Variants in ALLC observed in about 807,000 individuals in gnomAD.
The protein encoded by ALLC is allantoicase, also known as probable inactive allantoicase.
In ALLC, 40 loss-of-function variants were observed where a neutral mutation model predicts 45.0. The ratio of observed to expected loss-of-function variants is 0.89; its 90% CI spans 0.69 to 1.16. ALLC has a LOEUF of 1.16. ALLC is among the 50% of genes most tolerant of loss of function. The pLI is 0.00. For missense variants in ALLC, 488 were observed against 493.1 expected, an observed-to-expected ratio of 0.99 and a Z score of 0.10; for synonymous variants, 176 against 178.1, an observed-to-expected ratio of 0.99 and a Z score of 0.09.
chr2:3,651,386 T>C, the ALLC span, among the ~76,000 whole-genome samples: 1 of 15,780 alleles, frequency 6.3e-5, no homozygotes, highest in African/African-American at 3.0e-4. Flanking sequence ...TGTGTGTGTG[T>C]GTGTGTGTGT....
rs570921968 is a variant in ALLC, at chr2:3,672,015, A to G, written c.33+825A>G. ...GATCCGAGGTCCTCTGGCTCTAGTT[A>G]GATCCGAGGTCCTCTGGCTCTAGTT... On this transcript the variant is annotated intron_variant, in intron 2 of 11. Coordinates refer to ENST00000252505, the MANE Select transcript of ALLC (RefSeq NM_018436.4). Among the ~76,000 whole-genome samples, 22 of 116,050 alleles carry G rather than the reference A, an allele frequency of 1.9e-4. 3 individuals are homozygous for G. The South Asian group carries it at 4.3e-3, about 23-fold the overall frequency. The allele number at this position is 116,050 out of a possible 152,430, so 76.1% of individuals were successfully genotyped here. A position where few individuals can be genotyped will look rare whatever the true frequency, so the allele number is the denominator to read the frequency against.
At chr2:3,701,400 C>G (rs938579855) in intron 10 of ALLC, 112 bp from the exon 11 acceptor site, 7 of 1,312,194 alleles carry the variant, frequency 5.3e-6, no homozygotes, top group African/African-American at 4.5e-5. Flanking sequence ...TCAGGAAGAG[C>G]AGGGACTTGT....
At chr2:3,674,970 A>G (rs1666983320) in intron 3 of ALLC, among the ~76,000 whole-genome samples, 1 of 152,142 alleles carries the variant, frequency 6.6e-6, no homozygotes, top group South Asian at 2.1e-4. Flanking sequence ...ACAAGTGGGC[A>G]AAAAAATAGG....
chr2:3,664,329 G>T (rs6738533), intron 1 of ALLC, among the ~76,000 whole-genome samples: 37,295 of 152,102 alleles, frequency 0.25, 6,321 homozygotes, highest in African/African-American at 0.48. Flanking sequence ...TTTGTTTTGC[G>T]TTTATCTCAA....
At chr2:3,655,032 G>T (rs570293743), upstream of ALLC, among the ~76,000 whole-genome samples, 2 of 152,242 alleles carry the variant, frequency 1.3e-5, no homozygotes, top group Admixed American at 6.5e-5. Flanking sequence ...CGAGGTGTCC[G>T]TGGGCTACTC....
chr2:3,667,355 A>G (rs1256912256), intron 1 of ALLC, among the ~76,000 whole-genome samples: 1 of 152,218 alleles, frequency 6.6e-6, no homozygotes, highest in Non-Finnish European at 1.5e-5. Flanking sequence ...GCGTCTGTGC[A>G]TCTGGGAGCT....
At chr2:3,686,816 T>A (rs952043682) in intron 7 of ALLC, among the ~76,000 whole-genome samples, 1 of 147,640 alleles carries the variant, frequency 6.8e-6, no homozygotes, top group Non-Finnish European at 1.5e-5. Flanking sequence ...ACTGAATTAG[T>A]TTATCAGTTC....
chr2:3,682,738 G>A (rs1667222827), intron 6 of ALLC, among the ~76,000 whole-genome samples: 2 of 152,104 alleles, frequency 1.3e-5, no homozygotes, highest in African/African-American at 2.4e-5. Context: ...TGTTAGCCAG[G>A]ATGGTCTCGA....
intron 3 of ALLC, among the ~76,000 whole-genome samples, chr2:3,675,821 C>T (rs1195678506): frequency 2.6e-5 from 4 of 152,212 alleles, no homozygotes; most frequent in Non-Finnish European, 5.9e-5. Flanking sequence ...GTTGGGGCTG[C>T]TGAAGCAAAA....
At chr2:3,693,411 T>C (rs1166097004) in intron 7 of ALLC, among the ~76,000 whole-genome samples, 1 of 152,222 alleles carries the variant, frequency 6.6e-6, no homozygotes, top group Non-Finnish European at 1.5e-5. Flanking sequence ...CTAAAAACAG[T>C]GCAAGAAAAT....
rs773755359 is a variant in ALLC at position 3,702,668 on chromosome 2, C to T, written c.*105C>T. The T allele has an allele frequency of 3.6e-5, 45 of 1,234,866 alleles. No individual in the cohort carries two copies. The highest frequency in any genetic ancestry group is 4.8e-5 in the Non-Finnish European group (44 of 909,718). The allele number at this position is 1,234,866 out of a possible 1,614,324, so 76.5% of individuals were successfully genotyped here. ...GTGATTTAATAAAGTGGTCGTCTCACAAATTGATCTCTGTATTTAATGTTG... is the reference window on the plus strand; with the variant it reads ...GTGATTTAATAAAGTGGTCGTCTCATAAATTGATCTCTGTATTTAATGTTG... On this transcript the variant is annotated 3_prime_UTR_variant, in exon 12 of 12. Transcript: ENST00000252505.
chr2:3,660,069 C>T (rs1045300038), intron 1 of ALLC, among the ~76,000 whole-genome samples: 2 of 152,166 alleles, frequency 1.3e-5, no homozygotes, highest in Non-Finnish European at 2.9e-5. Context: ...TCAGATCCCC[C>T]GTGTTGGAGG....
chr2:3,656,553 T>C (rs1210912287), upstream of ALLC, among the ~76,000 whole-genome samples: 1 of 152,162 alleles, frequency 6.6e-6, no homozygotes, highest in Non-Finnish European at 1.5e-5. Context: ...GTTAGAGAAG[T>C]ATTGAATTTA....
upstream of ALLC, among the ~76,000 whole-genome samples, chr2:3,657,183 C>T (rs1279523205): frequency 1.3e-5 from 2 of 151,990 alleles, no homozygotes; most frequent in African/African-American, 4.8e-5. Flanking sequence ...AGACAACAGG[C>T]GCTGGACGCA....
intron 7 of ALLC, among the ~76,000 whole-genome samples, chr2:3,692,026 AG>A (rs369441599): frequency 6.2e-4 from 94 of 152,246 alleles, no homozygotes; most frequent in African/African-American, 2.2e-3. Context: ...GTTATCTTTG[AG>A]GTCACTGAGT....
intron 6 of ALLC, 105 bp from the exon 7 acceptor site, chr2:3,682,837 T>A: frequency 7.8e-7 from 1 of 1,289,412 alleles, no homozygotes; most frequent in Non-Finnish European, 1.1e-6. Context: ...CATCATTAAT[T>A]TTTATTCCAA....
intron 7 of ALLC, 82 bp from the exon 8 acceptor site, chr2:3,695,635 G>C: frequency 6.6e-7 from 1 of 1,514,408 alleles, no homozygotes. Flanking sequence ...GATGACACTG[G>C]AGAAGACAGG....
chr2:3,667,617 T>C (rs1336056301), intron 1 of ALLC, among the ~76,000 whole-genome samples: 3 of 152,326 alleles, frequency 2.0e-5, no homozygotes, highest in Admixed American at 2.0e-4. Context: ...GTTCTGACGA[T>C]CGAAATGAGA....
At chr2:3,664,911 C>T (rs536608906) in intron 1 of ALLC, among the ~76,000 whole-genome samples, 19 of 151,540 alleles carry the variant, frequency 1.3e-4, no homozygotes, top group African/African-American at 4.4e-4. Flanking sequence ...CCAAAACCCC[C>T]CCCCAAACCA....
Sources: allele counts gnomAD v4.1 joint callset (sites outside exome capture counted in the v4.1 genomes callset), GRCh38; gene constraint gnomAD v4.1.1; transcripts MANE v1.5; gene names NCBI Gene and HGNC (gene_info 2026-07-23, HGNC 2026-07-21).